The following TCF4 variants were observed in gnomAD, a reference collection of about 807,000 sequenced individuals.
The protein encoded by TCF4 is SL3-3 enhancer factor 2.
TCF4 carries 3 observed loss-of-function variants against 82.1 expected under a neutral mutation model. The ratio of observed to expected loss-of-function variants is 0.04; its 90% confidence interval spans 0.02 to 0.09. TCF4 has a LOEUF of 0.09. TCF4 is among the 10% of genes least tolerant of loss of function. The pLI, the probability that TCF4 is intolerant of heterozygous loss-of-function variation, is 1.00. For synonymous variants in TCF4, 276 were observed against 309.6 expected (o/e 0.89, Z 1.14); for missense variants, 518 against 852.7 (o/e 0.61, Z 4.89).
chr18:55,556,826 A>G (rs999281097), intron 3 of TCF4, among the ~76,000 whole-genome samples: 31 of 152,236 alleles, frequency 2.0e-4, no homozygotes, highest in African/African-American at 7.5e-4. Context: ...AGCATTTAGC[A>G]TCTACAAATC....
At chr18:55,568,209 C>G (rs1482972330) in intron 3 of TCF4, among the ~76,000 whole-genome samples, 2 of 142,230 alleles carry the variant, frequency 1.4e-5, no homozygotes, top group Non-Finnish European at 3.1e-5. Flanking sequence ...ACATAGAAAG[C>G]AGGAAATAAC....
chr18:55,362,910 A>ACAC (rs2085849414), intron 6 of TCF4, among the ~76,000 whole-genome samples: 2 of 152,348 alleles, frequency 1.3e-5, no homozygotes, highest in East Asian at 3.9e-4. Flanking sequence ...TCAGCAGTAT[A>ACAC]AACACTTCTA....
chr18:55,603,366 T>C (rs1366835251), intron 2 of TCF4, among the ~76,000 whole-genome samples: 1 of 151,166 alleles, frequency 6.6e-6, no homozygotes, highest in Non-Finnish European at 1.5e-5. Flanking sequence ...TCCATAACGA[T>C]GAAGATTATT....
At chr18:55,588,637 CA>C (rs1191329183), upstream of TCF4, 9 of 1,421,136 alleles carry the variant, frequency 6.3e-6, no homozygotes, top group Non-Finnish European at 8.3e-6. Flanking sequence ...CACGGCAAAG[CA>C]AGTTTATACT....
At chr18:55,505,247 A>T (rs1341860885) in intron 3 of TCF4, among the ~76,000 whole-genome samples, 2 of 152,190 alleles carry the variant, frequency 1.3e-5, no homozygotes, top group East Asian at 3.9e-4. Flanking sequence ...TCACAAGAAA[A>T]TTATGGAATC....
rs77997783 is a variant in TCF4, at chr18:55,508,233, C to T, written c.146-44096G>A. On this transcript the variant is annotated intron_variant, in intron 3 of 19. Transcript: ENST00000354452. Reference sequence around the variant, plus strand: ...AACTCATTTAAAGTAAAACTAGAAGCACCTTTAGAAAACTTTGCTGCTTTA... The same window carrying T: ...AACTCATTTAAAGTAAAACTAGAAGTACCTTTAGAAAACTTTGCTGCTTTA... 7.8e-3 allele frequency among the ~76,000 whole-genome samples: 1,183 copies of T among 152,254 alleles called. 23 individuals are homozygous for T. Among genetic ancestry groups the T allele is most frequent in the African/African-American group, 0.027 (1,122 of 41,536 alleles).
intron 6 of TCF4, among the ~76,000 whole-genome samples, chr18:55,362,166 G>C (rs1388717954): frequency 6.6e-6 from 1 of 152,016 alleles, no homozygotes. Context: ...AAAATGGCCA[G>C]GTGTAATGGC....
intron 3 of TCF4, among the ~76,000 whole-genome samples, chr18:55,515,372 G>C (rs1282820776): frequency 1.3e-5 from 2 of 152,132 alleles, no homozygotes; most frequent in Non-Finnish European, 2.9e-5. Context: ...CAGACACATG[G>C]CTGGGGTGCA....
intron 8 of TCF4, among the ~76,000 whole-genome samples, chr18:55,297,129 T>C (rs1430677204): frequency 2.0e-5 from 3 of 150,634 alleles, no homozygotes; most frequent in South Asian, 4.2e-4. Context: ...AGAAAGCCTG[T>C]TGAGTCTTTT....
At chr18:55,587,336 GCAAAAAAAAAAAAAAAAAAAA>G in intron 1 of TCF4, 200 bp from the exon 2 acceptor site, 2 of 13,504 alleles carry the variant, frequency 1.5e-4, no homozygotes, top group Non-Finnish European at 1.2e-4. Flanking sequence ...GGCAGCAATA[GCAAAAAAAAAAAAAAAAAAAA>G]AAAAAAAAAA....
intron 8 of TCF4, among the ~76,000 whole-genome samples, chr18:55,318,245 T>C (rs2074635636): frequency 6.6e-6 from 1 of 152,102 alleles, no homozygotes; most frequent in South Asian, 2.1e-4. Context: ...TCAATGAACA[T>C]GCAAGAAGCC....
At position 55,239,264 on chromosome 18, in the gene TCF4, C is replaced by T. The variant is rs377281426; in HGVS notation, c.1351-4581G>A. Reference sequence around the variant, plus strand: ...ACACTTTTAAATCACAGAACTTAGACGTCGAGGGCTTGGAGGACCTTGGTT... The same window carrying T: ...ACACTTTTAAATCACAGAACTTAGATGTCGAGGGCTTGGAGGACCTTGGTT... On this transcript the variant is annotated intron_variant, in intron 15 of 19. Transcript: ENST00000354452. 7.9e-5 allele frequency among the ~76,000 whole-genome samples: 12 copies of T among 152,254 alleles called. No homozygotes were observed. The East Asian group carries it at 9.7e-4, about 12-fold the overall frequency.
At chr18:55,521,143 A>C (rs1443907209) in intron 3 of TCF4, among the ~76,000 whole-genome samples, 1 of 152,150 alleles carries the variant, frequency 6.6e-6, no homozygotes, top group African/African-American at 2.4e-5. Context: ...GCTGTCTAAC[A>C]ATTTTCCCCC....
At chr18:55,596,921 TCA>T (rs2097691506) in intron 2 of TCF4, among the ~76,000 whole-genome samples, 1 of 152,160 alleles carries the variant, frequency 6.6e-6, no homozygotes, top group African/African-American at 2.4e-5. Context: ...ATTGTAATCC[TCA>T]GTGTTGGAGG....
chr18:55,446,072 TC>T (rs1006367410), intron 5 of TCF4, among the ~76,000 whole-genome samples: 23 of 152,076 alleles, frequency 1.5e-4, no homozygotes, highest in African/African-American at 4.6e-4. Flanking sequence ...GTAATGTTTT[TC>T]CCCCTTCCTG....
chr18:55,298,736 G>A (rs2067243487), intron 8 of TCF4, among the ~76,000 whole-genome samples: 2 of 152,046 alleles, frequency 1.3e-5, no homozygotes, highest in Non-Finnish European at 2.9e-5. Flanking sequence ...GAATTCAAAC[G>A]TATCTCTGAA....
At chr18:55,402,163 G>A (rs936164400) in intron 6 of TCF4, 1 of 985,416 alleles carries the variant, frequency 1.0e-6, no homozygotes, top group Non-Finnish European at 1.2e-6. Context: ...TCTTAACCAA[G>A]CACTGTTCAC....
chr18:55,350,690 C>T lies in TCF4; in HGVS notation c.499+184G>A, dbSNP rs561042451. Among the ~76,000 whole-genome samples, 8 of 151,890 alleles carry T rather than the reference C, an allele frequency of 5.3e-5. No homozygotes were observed. The East Asian group carries it at 1.4e-3, about 26-fold the overall frequency. The stretch of plus-strand genomic sequence containing the variant: ...AGCAGACACCAAAAAAGTTCTGCTA[C>T]CATAAGCTGTTAACGTACCTACTCA... On this transcript the variant is annotated intron_variant, in intron 7 of 19. Transcript: ENST00000354452.
chr18:55,314,915 A>G (rs2073696554), intron 8 of TCF4, among the ~76,000 whole-genome samples: 1 of 151,936 alleles, frequency 6.6e-6, no homozygotes, highest in African/African-American at 2.4e-5. Flanking sequence ...TATAATTCTC[A>G]CCCTTAGGTT....
Sources: gnomAD v4.1 joint callset for allele counts (sites outside exome capture counted in the v4.1 genomes callset) on GRCh38, gnomAD v4.1.1 for gene constraint, MANE v1.5 for transcripts, NCBI Gene and HGNC (gene_info 2026-07-23, HGNC 2026-07-21) for gene names.